Variants in CTNNA3 observed in about 807,000 individuals in gnomAD.
The protein encoded by CTNNA3 is catenin alpha-3.
In CTNNA3, 76 loss-of-function variants were observed where a neutral mutation model predicts 95.7. The observed-to-expected ratio is 0.79, with a 90% CI of 0.66 to 0.96. The LOEUF (loss-of-function observed/expected upper bound fraction) is 0.96, where lower values mean the gene tolerates loss of function less well. Among genes scored for constraint, CTNNA3 ranks in the 40% least tolerant of loss-of-function variants. The pLI is 0.00. For synonymous variants in CTNNA3, 431 were observed against 374.4 expected (o/e 1.15, Z -1.74); for missense variants, 1,191 against 1,089.8 (o/e 1.09, Z -1.31).
rs369248326 is a variant in CTNNA3, at chr10:66,717,050, A to AC, written c.1281+49213dup. On this transcript the variant is annotated intron_variant, in intron 9 of 17. Coordinates refer to ENST00000433211, the MANE Select transcript of CTNNA3 (RefSeq NM_013266.4). The stretch of plus-strand genomic sequence containing the variant: ...AAGATAAAAACAGAAAAAAAAAAAA[A>AC]CAGAAAACTGAGGTATCCCCCATAA... Among the ~76,000 whole-genome samples the AC allele has an allele frequency of 2.8e-3, 419 of 151,754 alleles. 1 individual carries two copies. The highest frequency in any genetic ancestry group is 9.1e-3 in the African/African-American group (376 of 41,404).
chr10:67,743,064 AC>A (rs924886349), intron 1 of CTNNA3, among the ~76,000 whole-genome samples: 7 of 151,348 alleles, frequency 4.6e-5, no homozygotes, highest in Admixed American at 2.0e-4. Context: ...GCCGAATTCT[AC>A]CAGAGGTACA....
rs977624815 is a variant in CTNNA3, at chr10:67,522,354, GAAAC to G, written c.460-397_460-394del. Among the ~76,000 whole-genome samples the G allele has an allele frequency of 1.7e-4, 26 of 152,062 alleles. 1 individual carries two copies. Among genetic ancestry groups the G allele is most frequent in the African/African-American group, 6.3e-4 (26 of 41,410 alleles). On this transcript the variant is annotated intron_variant, in intron 4 of 17. Transcript: ENST00000433211. Reference sequence around the variant, plus strand: ...AAAGAGTGCTCACATTTCAATCATGGAAACAAACAAATTTATGAAAATGTAGTTG... The same window carrying G: ...AAAGAGTGCTCACATTTCAATCATGGAAACAAATTTATGAAAATGTAGTTG...
chr10:67,186,043 A>T (rs201254669), intron 6 of CTNNA3, among the ~76,000 whole-genome samples: 3,722 of 151,734 alleles, frequency 0.025, 146 homozygotes, highest in East Asian at 0.14. Context: ...AAAAAAAAAA[A>T]AAATTAAACC....
chr10:67,555,257 GA>G (rs1465618748), intron 3 of CTNNA3, among the ~76,000 whole-genome samples: 1 of 152,100 alleles, frequency 6.6e-6, no homozygotes, highest in Non-Finnish European at 1.5e-5. Flanking sequence ...GGTTCCATAT[GA>G]ACTTTAAGTA....
intron 13 of CTNNA3, among the ~76,000 whole-genome samples, chr10:66,104,643 T>A (rs1031271894): frequency 6.6e-6 from 1 of 152,208 alleles, no homozygotes; most frequent in African/African-American, 2.4e-5. Flanking sequence ...TTCCACTCTG[T>A]ATGATTCCTT....
intron 11 of CTNNA3, among the ~76,000 whole-genome samples, chr10:66,392,640 G>A (rs1224572542): frequency 1.3e-5 from 2 of 151,842 alleles, no homozygotes; most frequent in Non-Finnish European, 2.9e-5. Flanking sequence ...CAAAAACATG[G>A]TCAACATTGT....
At position 66,450,526 on chromosome 10, in the gene CTNNA3, T is replaced by C. The variant is rs569129704; in HGVS notation, c.1531+70091A>G. On this transcript the variant is annotated intron_variant, in intron 11 of 17. Transcript: ENST00000433211. ...AAATAACGTTGTATTCATTTCACAG[T>C]GAATAAGAAGATAAGGATGATATCA... 1.2e-3 allele frequency among the ~76,000 whole-genome samples: 177 copies of C among 152,138 alleles called. 2 individuals are homozygous for C. The highest frequency in any genetic ancestry group is 4.1e-3 in the African/African-American group (169 of 41,542).
Position 66,246,970 on chromosome 10 carries a change from T to C in CTNNA3, c.1884+33500A>G, listed in dbSNP as rs2090355050. ...CGGGAGGCTGAAGCAGGAGAATCAC[T>C]TGAACCCGGGAGGAGGTTGCAGTGA... On this transcript the variant is annotated intron_variant, in intron 13 of 17. Transcript: ENST00000433211. Among the ~76,000 whole-genome samples, 3 of 150,764 alleles carry C rather than the reference T, an allele frequency of 2.0e-5. No homozygotes were observed. In the South Asian group the frequency reaches 6.3e-4, roughly 31 times the overall value.
intron 7 of CTNNA3, among the ~76,000 whole-genome samples, chr10:67,055,708 T>C (rs1342165612): frequency 6.6e-6 from 1 of 152,032 alleles, no homozygotes; most frequent in Non-Finnish European, 1.5e-5. Context: ...TTTGTGGGAG[T>C]AAGGCTTGGG....
At chr10:66,951,333 C>T (rs769633680) in intron 7 of CTNNA3, among the ~76,000 whole-genome samples, 4 of 152,126 alleles carry the variant, frequency 2.6e-5, no homozygotes, top group Non-Finnish European at 5.9e-5. Context: ...CCAGGCTGGT[C>T]TCAAACTCCT....
intron 15 of CTNNA3, among the ~76,000 whole-genome samples, chr10:66,046,984 T>G (rs2079841867): frequency 6.6e-6 from 1 of 151,960 alleles, no homozygotes; most frequent in Non-Finnish European, 1.5e-5. Flanking sequence ...AACTCGGTAA[T>G]AAATAGCCTA....
At chr10:67,062,973 G>GT (rs199866471) in intron 7 of CTNNA3, among the ~76,000 whole-genome samples, 1,867 of 150,120 alleles carry the variant, frequency 0.012, 41 homozygotes, top group African/African-American at 0.042. Flanking sequence ...TAATCGTTTT[G>GT]TTTTTTTTTC....
intron 12 of CTNNA3, among the ~76,000 whole-genome samples, chr10:66,327,251 G>GA: frequency 6.6e-6 from 1 of 152,178 alleles, no homozygotes; most frequent in East Asian, 1.9e-4. Flanking sequence ...GTTCAAATAG[G>GA]AATGTTCCTG....
At chr10:67,366,322 T>C (rs1438199640) in intron 5 of CTNNA3, among the ~76,000 whole-genome samples, 1 of 151,960 alleles carries the variant, frequency 6.6e-6, no homozygotes, top group Non-Finnish European at 1.5e-5. Context: ...CAAATCTGCA[T>C]CTTGTGCACA....
At chr10:66,182,287 G>A (rs2086084332) in intron 13 of CTNNA3, among the ~76,000 whole-genome samples, 1 of 142,948 alleles carries the variant, frequency 7.0e-6, no homozygotes, top group African/African-American at 2.6e-5. Flanking sequence ...ACGGAGTCTC[G>A]CTCTATCGCC....
At chr10:66,818,415 C>G (rs1223842903) in intron 7 of CTNNA3, among the ~76,000 whole-genome samples, 1 of 152,154 alleles carries the variant, frequency 6.6e-6, no homozygotes, top group African/African-American at 2.4e-5. Flanking sequence ...ATAATAAATT[C>G]TGCAAGGTTG....
In CTNNA3 at chr10:66,739,810, TTG is replaced by T. The variant is rs1280545187; in HGVS notation, c.1281+26452_1281+26453del. Among the ~76,000 whole-genome samples the T allele has an allele frequency of 8.6e-5, 13 of 151,498 alleles. No individual in the cohort carries two copies. The South Asian group carries it at 2.1e-3, about 24-fold the overall frequency. ...GATTGGGGAAAGTACAGTTGTGTGT[TTG>T]TGTGTGTGTGTGTAGACACAAACAT... On this transcript the variant is annotated intron_variant, in intron 9 of 17. Transcript: ENST00000433211.
chr10:66,204,527 T>C (rs546600390), intron 13 of CTNNA3, among the ~76,000 whole-genome samples: 4 of 152,296 alleles, frequency 2.6e-5, no homozygotes, highest in Admixed American at 1.3e-4. Flanking sequence ...ATGCTACAAA[T>C]GTCCTCCAAG....
intron 5 of CTNNA3, among the ~76,000 whole-genome samples, chr10:67,449,967 A>G (rs1052218687): frequency 6.6e-6 from 1 of 152,180 alleles, no homozygotes; most frequent in African/African-American, 2.4e-5. Context: ...AAATAACCCC[A>G]TTAAAAAGTG....
Sources: allele counts gnomAD v4.1 joint callset (sites outside exome capture counted in the v4.1 genomes callset), GRCh38; gene constraint gnomAD v4.1.1; transcripts MANE v1.5; gene names NCBI Gene and HGNC (gene_info 2026-07-23, HGNC 2026-07-21).